The following NCBP3 variants were observed in gnomAD, a reference collection of about 807,000 sequenced individuals.
NCBP3 encodes the protein nuclear cap binding subunit 3.
In NCBP3, 20 loss-of-function variants were observed where a neutral mutation model predicts 75.7. The observed-to-expected ratio is 0.26, with a 90% CI of 0.19 to 0.38. The LOEUF is 0.38. Among genes scored for constraint, NCBP3 ranks in the 10% least tolerant of loss-of-function variants. The pLI is 1.00. For synonymous variants in NCBP3, 293 were observed against 290.5 expected (o/e 1.01, Z -0.09); for missense variants, 678 against 796.9 (o/e 0.85, Z 1.80).
intron 1 of NCBP3, 55 bp downstream of exon 1, chr17:3,845,986 G>A: frequency 1.3e-6 from 2 of 1,491,982 alleles, no homozygotes; most frequent in Non-Finnish European, 1.8e-6. Flanking sequence ...GGCCCCCTCC[G>A]GCGCTAGACA....
intron 2 of NCBP3, 83 bp from the exon 3 acceptor site, chr17:3,840,288 A>G: frequency 9.2e-6 from 10 of 1,083,706 alleles, no homozygotes; most frequent in Non-Finnish European, 1.4e-5. Flanking sequence ...CATCAGTGAC[A>G]AACCTGAACT....
chr17:3,815,264 T>A (rs1041640096), intron 11 of NCBP3, among the ~76,000 whole-genome samples: 2 of 152,214 alleles, frequency 1.3e-5, no homozygotes, highest in African/African-American at 4.8e-5. Flanking sequence ...TTACTTCTCA[T>A]GTAAAAAAAT....
At chr17:3,831,001 T>C (rs1413372770) in intron 3 of NCBP3, among the ~76,000 whole-genome samples, 2 of 151,276 alleles carry the variant, frequency 1.3e-5, no homozygotes, top group Admixed American at 1.3e-4. Context: ...AACCTCTGCC[T>C]CCCAGGTTCA....
chr17:3,844,060 C>T (rs932463103), intron 1 of NCBP3, among the ~76,000 whole-genome samples: 6 of 141,312 alleles, frequency 4.2e-5, no homozygotes, highest in African/African-American at 1.6e-4. Flanking sequence ...AAAGATAAGG[C>T]ACAGTCACTT....
rs2053586027 is a variant in NCBP3, at chr17:3,818,249, A to C, written c.1310+14T>G. ...ATCAAATTAAAAGCTAGCTTTGATA[A>C]AACAAATTTTTACCTAATATTTTTC... is the stretch of plus-strand genomic sequence containing the variant. On this transcript the variant is annotated intron_variant, in intron 10 of 12. Transcript: ENST00000389005. This position sits in a 1 kb window ranked among gnomAD's most constrained non-coding sequence, Gnocchi z 4.7. The C allele has an allele frequency of 3.9e-6, 6 of 1,550,746 alleles. No homozygotes were observed. In the South Asian group the frequency reaches 7.3e-5, roughly 19 times the overall value.
At chr17:3,826,712 G>T (rs2053791781) in intron 4 of NCBP3, among the ~76,000 whole-genome samples, 1 of 149,916 alleles carries the variant, frequency 6.7e-6, no homozygotes, top group Non-Finnish European at 1.5e-5. Flanking sequence ...AGGAAGGAAG[G>T]AAGGAAGGAA....
At chr17:3,823,705 G>A (rs570340197) in intron 7 of NCBP3, 53 of 152,098 alleles carry the variant, frequency 3.5e-4, no homozygotes, top group African/African-American at 1.3e-3. Context: ...TTACAGGCAC[G>A]AGCCACTGTA....
chr17:3,843,243 C>CAT, intron 1 of NCBP3, 92 bp from the exon 2 acceptor site: 1 of 694,222 alleles, frequency 1.4e-6, no homozygotes, highest in Non-Finnish European at 2.3e-6. Context: ...TTCTTTTTTC[C>CAT]TTTTTTTTTT....
At chr17:3,826,780 G>A (rs554826954) in intron 4 of NCBP3, among the ~76,000 whole-genome samples, 81 of 151,684 alleles carry the variant, frequency 5.3e-4, no homozygotes, top group African/African-American at 1.7e-3. Flanking sequence ...TTGGGAGGCC[G>A]AGCCAGGCGG....
chr17:3,832,448 G>A (rs559231758), intron 3 of NCBP3, among the ~76,000 whole-genome samples: 1 of 117,390 alleles, frequency 8.5e-6, no homozygotes, highest in African/African-American at 2.6e-5. Context: ...GGCCAACACG[G>A]TGAAACCCCG....
At position 3,843,134 on chromosome 17, in the gene NCBP3, A is replaced by C; in HGVS notation, c.201T>G (p.Tyr67Ter). The change falls in exon 2 of 13, where the codon TAT (tyrosine) becomes TAG (stop). Residue 67 changes from tyrosine to a stop codon, truncating the protein, a stop_gained. Coordinates refer to ENST00000389005, the MANE Select transcript of NCBP3 (RefSeq NM_001114118.3). LOFTEE classifies it high-confidence loss of function. ...KELIPDTSRR[Y>*]ENKAGSFITG... ...TGATGAAGCTGCCAGCCTTGTTTTC[A>C]TATCTTCTGCTCGTGTCCTAACACA... is the stretch of plus-strand genomic sequence containing the variant. 1 of 1,551,560 alleles carries C rather than the reference A, an allele frequency of 6.4e-7. No individual in the cohort carries two copies. The highest frequency in any genetic ancestry group is 8.7e-7 in the Non-Finnish European group (1 of 1,146,944).
intron 10 of NCBP3, among the ~76,000 whole-genome samples, chr17:3,817,490 G>C (rs1303789940): frequency 6.6e-6 from 1 of 152,086 alleles, no homozygotes; most frequent in East Asian, 1.9e-4. Context: ...TTAGCCAGGA[G>C]TAGTGGCAGG....
chr17:3,814,530 G>T, intron 11 of NCBP3, 47 bp from the exon 12 acceptor site: 3 of 1,601,302 alleles, frequency 1.9e-6, no homozygotes, highest in Non-Finnish European at 1.7e-6. Context: ...TGTGCTTTAT[G>T]CTCGGCACCA....
At chr17:3,836,877 G>A (rs957378814) in intron 3 of NCBP3, among the ~76,000 whole-genome samples, 1 of 152,032 alleles carries the variant, frequency 6.6e-6, no homozygotes, top group South Asian at 2.1e-4. Context: ...ATGGCCTGGC[G>A]CAATGGCTCA....
At chr17:3,837,812 G>A (rs2054001098) in intron 3 of NCBP3, among the ~76,000 whole-genome samples, 1 of 151,718 alleles carries the variant, frequency 6.6e-6, no homozygotes, top group Non-Finnish European at 1.5e-5. Context: ...AAAGTGGTCT[G>A]AGATGGGCAG....
At chr17:3,830,181 AG>A (rs2053853362) in intron 3 of NCBP3, among the ~76,000 whole-genome samples, 1 of 152,220 alleles carries the variant, frequency 6.6e-6, no homozygotes, top group African/African-American at 2.4e-5. Context: ...CTACGGACCT[AG>A]GAACTCCAGT....
In NCBP3 at chr17:3,821,427, T is replaced by C; in HGVS notation, c.897-75A>G. The C allele has an allele frequency of 2.4e-6, 3 of 1,228,038 alleles. No homozygotes were observed. In the South Asian group the frequency reaches 3.9e-5, roughly 16 times the overall value. The allele number at this position is 1,228,038 out of a possible 1,614,324, so 76.1% of individuals were successfully genotyped here. ...CTTGAAATCCACTATTTCTTTCTCT[T>C]TTCTTTTTTTTTTGTGATGGAGTCT... is the stretch of plus-strand genomic sequence containing the variant. On this transcript the variant is annotated intron_variant, in intron 8 of 12. Transcript: ENST00000389005.
chr17:3,821,789 C>G (rs1323741341), intron 8 of NCBP3, among the ~76,000 whole-genome samples, 164 bp downstream of exon 8: 1 of 152,214 alleles, frequency 6.6e-6, no homozygotes, highest in African/African-American at 2.4e-5. Context: ...TTAAATGTAA[C>G]TACAATTCAG....
At chr17:3,840,054 ACT>A (rs1384244443) in intron 3 of NCBP3, 44 bp downstream of exon 3, 3 of 1,452,862 alleles carry the variant, frequency 2.1e-6, no homozygotes, top group Admixed American at 2.0e-5. Context: ...GGGAAAAGGC[ACT>A]CTCTGGGGAA....
Sources: gnomAD v4.1 joint callset for allele counts (sites outside exome capture counted in the v4.1 genomes callset) on GRCh38, gnomAD v4.1.1 for gene constraint, Gnocchi (gnomAD v3.1) non-coding constraint, MANE v1.5 for transcripts, NCBI Gene and HGNC (gene_info 2026-07-23, HGNC 2026-07-21) for gene names.